Variants in FAT4 observed in about 807,000 individuals in gnomAD.
FAT4 encodes the protein protocadherin Fat 4.
FAT4 carries 84 observed loss-of-function variants against 303.9 expected under a neutral mutation model. The ratio of observed to expected loss-of-function variants is 0.28; its 90% CI spans 0.23 to 0.33. The LOEUF is 0.33. Ranked by LOEUF, FAT4 falls within the 10% of genes least tolerant of loss-of-function variation. FAT4 has a pLI of 1.00. For synonymous variants in FAT4, 2,307 were observed against 2,298.8 expected, an observed-to-expected ratio of 1.00 and a Z score of -0.10; for missense variants, 6,005 against 6,146.8, an observed-to-expected ratio of 0.98 and a Z score of 0.77.
In FAT4 at chr4:125,368,620, C is replaced by T. The variant is rs181499463; in HGVS notation, c.5176-30164C>T. Reference sequence around the variant, plus strand: ...TGATTCTGAAACTCAAAACTGAATGCAAATTAAGATTTTTAAAAAGTATGA... The same window carrying T: ...TGATTCTGAAACTCAAAACTGAATGTAAATTAAGATTTTTAAAAAGTATGA... On this transcript the variant is annotated intron_variant, in intron 2 of 17. Transcript: ENST00000394329. Among the ~76,000 whole-genome samples, 20 of 150,096 alleles carry T rather than the reference C, an allele frequency of 1.3e-4. No homozygotes were observed. In the East Asian group the frequency reaches 3.9e-3, roughly 29 times the overall value.
chr4:125,366,664 A>G lies in FAT4; in HGVS notation c.5176-32120A>G, dbSNP rs145357045. ...TGGTATTTCTGTTTTAGGTCTTGGA[A>G]GAATTGCCACACTGTCTTTCACAAT... On this transcript the variant is annotated intron_variant, in intron 2 of 17. Transcript: ENST00000394329. Among the ~76,000 whole-genome samples the G allele has an allele frequency of 9.7e-3, 1,481 of 152,284 alleles. 20 individuals carry two copies. The highest frequency in any genetic ancestry group is 0.034 in the African/African-American group (1,415 of 41,550).
rs184132126 is a variant in FAT4, at chr4:125,386,998, T to G, written c.5176-11786T>G. On this transcript the variant is annotated intron_variant, in intron 2 of 17. Coordinates refer to ENST00000394329, the MANE Select transcript of FAT4 (RefSeq NM_001291303.3). ...TCTCATAAAGAGCGTGCAACCTAGATCCTTCGCATGCACCATTCACAATAG... is the reference window on the plus strand; with the variant it reads ...TCTCATAAAGAGCGTGCAACCTAGAGCCTTCGCATGCACCATTCACAATAG... Among the ~76,000 whole-genome samples the G allele has an allele frequency of 1.3e-3, 195 of 152,174 alleles. 3 individuals carry two copies. Among genetic ancestry groups the G allele is most frequent in the Non-Finnish European group, 8.8e-5 (6 of 68,014 alleles).
At chr4:125,377,987 C>T (rs1733395756) in intron 2 of FAT4, among the ~76,000 whole-genome samples, 1 of 152,136 alleles carries the variant, frequency 6.6e-6, no homozygotes, top group Middle Eastern at 3.4e-3. Context: ...TGCACGTATG[C>T]CCAGGGTTGT....
At chr4:125,437,287 G>A (rs952184625) in intron 8 of FAT4, among the ~76,000 whole-genome samples, 2 of 152,174 alleles carry the variant, frequency 1.3e-5, no homozygotes, top group East Asian at 1.9e-4. Flanking sequence ...CACTTTAAAG[G>A]TAGGTTTAGG....
chr4:125,369,407 G>C (rs1733017552), intron 2 of FAT4, among the ~76,000 whole-genome samples: 2 of 152,090 alleles, frequency 1.3e-5, no homozygotes, highest in African/African-American at 4.8e-5. Flanking sequence ...ACTCCATCCT[G>C]CCTGGGTGAT....
chr4:125,469,635 G>A (rs1191357478), intron 12 of FAT4, among the ~76,000 whole-genome samples: 5 of 152,148 alleles, frequency 3.3e-5, no homozygotes, highest in African/African-American at 1.2e-4. Flanking sequence ...TCCCTAAGAA[G>A]CAGCTTCTCA....
intron 2 of FAT4, among the ~76,000 whole-genome samples, chr4:125,364,942 A>G (rs1732821404): frequency 6.6e-6 from 1 of 152,170 alleles, no homozygotes; most frequent in African/African-American, 2.4e-5. Context: ...GGTTGGGGGC[A>G]TTGCGGATTT....
At chr4:125,355,872 T>A (rs553570875) in intron 2 of FAT4, among the ~76,000 whole-genome samples, 4 of 152,138 alleles carry the variant, frequency 2.6e-5, no homozygotes, top group East Asian at 1.9e-4. Context: ...AGAAGCCATA[T>A]TGTCTCTTCC....
chr4:125,339,384 G>A (rs541971535), intron 2 of FAT4, among the ~76,000 whole-genome samples: 2 of 152,072 alleles, frequency 1.3e-5, no homozygotes, highest in African/African-American at 4.8e-5. Flanking sequence ...TTTTAGTAGA[G>A]ACGGGGTTTC....
chr4:125,459,337 G>T (rs1239976930), intron 10 of FAT4, among the ~76,000 whole-genome samples: 1 of 151,958 alleles, frequency 6.6e-6, no homozygotes. Flanking sequence ...AAAGACCATA[G>T]GTGATTACAA....
At chr4:125,409,365 T>C (rs2126022013) in intron 5 of FAT4, among the ~76,000 whole-genome samples, 1 of 152,076 alleles carries the variant, frequency 6.6e-6, no homozygotes. Flanking sequence ...CAAGCAATTC[T>C]CCTGCCTCAG....
intron 7 of FAT4, among the ~76,000 whole-genome samples, chr4:125,418,010 G>A (rs1457825203): frequency 6.6e-6 from 1 of 152,094 alleles, no homozygotes; most frequent in Admixed American, 6.6e-5. Context: ...TTAGACATCC[G>A]GTTTTAGAAT....
intron 2 of FAT4, among the ~76,000 whole-genome samples, chr4:125,388,649 G>A (rs922260386): frequency 2.0e-5 from 3 of 152,120 alleles, no homozygotes; most frequent in Admixed American, 6.6e-5. Context: ...TTGTTAAAAT[G>A]CAGAAATTAT....
chr4:125,317,407 C>A lies in FAT4; in HGVS notation c.996C>A (p.Ser332=). 1 of 1,613,562 alleles carries A rather than the reference C, an allele frequency of 6.2e-7. No individual in the cohort carries two copies. Among genetic ancestry groups the A allele is most frequent in the Non-Finnish European group, 8.5e-7 (1 of 1,180,040 alleles). ...TVQAMDRGVP[S]LTGRAEALIQ... is the part of the protein sequence containing the mutation. Reference sequence around the variant, plus strand: ...AGGCGATGGACAGAGGCGTGCCTTCCCTCACTGGGCGCGCCGAGGCGCTGA... The same window carrying A: ...AGGCGATGGACAGAGGCGTGCCTTCACTCACTGGGCGCGCCGAGGCGCTGA... Residue 332 remains serine, a synonymous_variant, in exon 2 of 18, where the codon TCC becomes TCA. Coordinates refer to ENST00000394329, the MANE Select transcript of FAT4 (RefSeq NM_001291303.3). This position sits in a 1 kb window ranked among gnomAD's most constrained non-coding sequence, Gnocchi z 7.0.
chr4:125,321,484 G>T lies in FAT4; in HGVS notation c.5073G>T (p.Gln1691His). The T allele has an allele frequency of 6.2e-7, 1 of 1,614,092 alleles. No individual in the cohort carries two copies. The highest frequency in any genetic ancestry group is 1.1e-5 in the South Asian group (1 of 91,078). Residue 1691 changes from glutamine (Q) to histidine (H), a missense_variant, in exon 2 of 18, where the codon CAG (glutamine) becomes CAT (histidine). Transcript: ENST00000394329. ...FTIGRHTGII[Q>H]TAAILDREQG... ...TTGGACGACATACTGGTATAATTCA[G>T]ACCGCAGCCATTCTGGACCGGGAGC...
intron 7 of FAT4, among the ~76,000 whole-genome samples, chr4:125,425,780 T>G (rs1267913855): frequency 6.6e-6 from 1 of 152,076 alleles, no homozygotes. Context: ...TATAGATAAT[T>G]CTCAGTCTGT....
In FAT4 at chr4:125,317,191, T is replaced by C. The variant is rs756940330; in HGVS notation, c.780T>C (p.Pro260=). 1.1e-5 allele frequency: 17 copies of C among 1,595,248 alleles called. No individual in the cohort carries two copies. Among genetic ancestry groups the C allele is most frequent in the Non-Finnish European group, 1.4e-5 (16 of 1,167,934 alleles). The change falls in exon 2 of 18, where the codon CCT becomes CCC. Residue 260 remains proline, a synonymous_variant. Transcript: ENST00000394329. This position sits in a 1 kb window ranked among gnomAD's most constrained non-coding sequence, Gnocchi z 7.0. ...GTTCTCACTACCAGGCGGGGGTGCC[T>C]GAGGACGCGGTTGTGGGTTCCAGCG... The part of the protein sequence containing the change: ...FGSSHYQAGV[P]EDAVVGSSVL...
At chr4:125,486,485 G>A (rs1727417697) in intron 16 of FAT4, among the ~76,000 whole-genome samples, 1 of 152,108 alleles carries the variant, frequency 6.6e-6, no homozygotes, top group Non-Finnish European at 1.5e-5. Flanking sequence ...CCCGTTATTT[G>A]AGGAACAGTG....
chr4:125,414,372 TA>T (rs1194954657), intron 5 of FAT4, among the ~76,000 whole-genome samples: 2 of 152,152 alleles, frequency 1.3e-5, no homozygotes, highest in Non-Finnish European at 2.9e-5. Flanking sequence ...ATATGTTTAA[TA>T]AAATTTGAAA....
Sources: allele counts gnomAD v4.1 joint callset (sites outside exome capture counted in the v4.1 genomes callset), GRCh38; gene constraint gnomAD v4.1.1; non-coding constraint Gnocchi (gnomAD v3.1); transcripts MANE v1.5; gene names NCBI Gene and HGNC (gene_info 2026-07-23, HGNC 2026-07-21).